Variants in ZNF552 observed in about 807,000 individuals in gnomAD.
ZNF552 encodes zinc finger protein 552.
ZNF552 carries 2 observed loss-of-function variants against 7.2 expected under a neutral mutation model. The observed-to-expected ratio is 0.28, with a 90% confidence interval of 0.11 to 0.88. The LOEUF (loss-of-function observed/expected upper bound fraction) is 0.88. Ranked by LOEUF, ZNF552 falls within the 40% of genes least tolerant of loss-of-function variation. The probability of loss-of-function intolerance (pLI) is 0.60; values close to 1 mark genes in which losing one functional copy is unlikely to be tolerated. For synonymous variants in ZNF552, 173 were observed against 176.5 expected (o/e 0.98, Z 0.16); for missense variants, 421 against 493.4 (o/e 0.85, Z 1.39).
At chr19:57,812,332 C>T (rs1987873625) in intron 2 of ZNF552, among the ~76,000 whole-genome samples, 1 of 152,058 alleles carries the variant, frequency 6.6e-6, no homozygotes, top group African/African-American at 2.4e-5. Flanking sequence ...TTGAATAAAA[C>T]TCTTGACATC....
Position 57,808,688 on chromosome 19 carries a change from A to C in ZNF552, c.576T>G (p.Thr192=). The C allele has an allele frequency of 6.2e-7, 1 of 1,614,212 alleles. No homozygotes were observed. Among genetic ancestry groups the C allele is most frequent in the African/African-American group, 1.3e-5 (1 of 75,052 alleles). Residue 192 remains threonine, a synonymous_variant, in exon 3 of 3, where the codon ACT becomes ACG. Transcript: ENST00000391701. ...ACTCAGTTTTGCTGTTTGACTTCCCAGTGTGAGTGGCCTCTTGCTGGAGTA... is the reference window on the plus strand; with the variant it reads ...ACTCAGTTTTGCTGTTTGACTTCCCCGTGTGAGTGGCCTCTTGCTGGAGTA... ...SGLLQQEATH[T]GKSNSKTECV...
At chr19:57,813,111 A>G (rs1189029908) in intron 2 of ZNF552, 183 bp downstream of exon 2, 1 of 977,696 alleles carries the variant, frequency 1.0e-6, no homozygotes, top group Non-Finnish European at 1.4e-6. Context: ...TGGGAGCTCA[A>G]TAGCAGGTGT....
intron 2 of ZNF552, among the ~76,000 whole-genome samples, chr19:57,811,500 C>A (rs1048614523): frequency 6.6e-6 from 1 of 151,994 alleles, no homozygotes; most frequent in African/African-American, 2.4e-5. Flanking sequence ...GTGTCTCTTT[C>A]TTTTCTCAAG....
At chr19:57,814,557 A>G (rs1426732029) in intron 1 of ZNF552, 154 bp downstream of exon 1, 1 of 1,547,064 alleles carries the variant, frequency 6.5e-7, no homozygotes, top group African/African-American at 1.4e-5. Flanking sequence ...ACCGCATCCC[A>G]CGGGTGTCTG....
At chr19:57,812,526 G>T (rs565253567) in intron 2 of ZNF552, among the ~76,000 whole-genome samples, 24 of 152,238 alleles carry the variant, frequency 1.6e-4, no homozygotes, top group African/African-American at 5.8e-4. Context: ...CACTGGCTTA[G>T]AACAACTCAG....
intron 2 of ZNF552, among the ~76,000 whole-genome samples, chr19:57,810,441 G>A (rs1704515104): frequency 6.6e-6 from 1 of 152,172 alleles, no homozygotes; most frequent in Non-Finnish European, 1.5e-5. Context: ...TTGAGATGCT[G>A]TTAATCTGTA....
chr19:57,810,460 C>T (rs1215352664), intron 2 of ZNF552, among the ~76,000 whole-genome samples: 2 of 152,198 alleles, frequency 1.3e-5, no homozygotes, highest in Non-Finnish European at 2.9e-5. Context: ...TAACCCTACT[C>T]CCAACCCTGT....
chr19:57,809,837 GGC>G (rs1987820197), intron 2 of ZNF552, among the ~76,000 whole-genome samples: 1 of 152,120 alleles, frequency 6.6e-6, no homozygotes, highest in Non-Finnish European at 1.5e-5. Context: ...TTTTTAAAAT[GGC>G]CAAGCATGGT....
In ZNF552 at chr19:57,808,775, A is replaced by G; in HGVS notation, c.489T>C (p.His163=). 14 of 1,614,144 alleles carry G rather than the reference A, an allele frequency of 8.7e-6. No homozygotes were observed. Among genetic ancestry groups the G allele is most frequent in the Non-Finnish European group, 1.2e-5 (14 of 1,180,034 alleles). The change falls in exon 3 of 3, where the codon CAT becomes CAC. Residue 163 remains histidine (H), a synonymous_variant. Transcript: ENST00000391701. ...EALFAKRCKL[H]VSGESSVFSE... ...TGAAGACAGATGACTCCCCTGACAC[A>G]TGCAACTTACACCTCTTCGCAAACA...
chr19:57,814,823 A>G lies in ZNF552; in HGVS notation c.-80T>C. On this transcript the variant is annotated 5_prime_UTR_variant, in exon 1 of 3. Transcript: ENST00000391701. ...AGAGTCACGTCTGTGCAAAGAGAAG[A>G]ACGACTCTCGACCTCCTGGATCCAG... The G allele has an allele frequency of 7.4e-7, 1 of 1,346,880 alleles. No individual in the cohort carries two copies. 83.4% of individuals were successfully genotyped at this position (1,346,880 alleles called of 1,614,324 possible).
rs150185484 is a variant in ZNF552 at position 57,814,734 on chromosome 19, C to T, written c.10G>A (p.Ala4Thr). The change falls in exon 1 of 3, where the codon GCC (alanine) becomes ACC (threonine). Residue 4 changes from alanine (A) to threonine (T), a missense_variant. By Grantham distance (58) the Ala-to-Thr change is moderately conservative. Coordinates refer to ENST00000391701, the MANE Select transcript of ZNF552 (RefSeq NM_024762.3). ...ACCTGAACGGGGAACCTTAGCGCGG[C>T]CGCCGCCATGGGACCACGTGGGGTA... MAAAALRFPVQGTV... is the reference protein window; with the variant it reads MAATALRFPVQGTV... 1.4e-4 allele frequency: 232 copies of T among 1,613,844 alleles called. No homozygotes were observed. The highest frequency in any genetic ancestry group is 1.9e-4 in the Non-Finnish European group (222 of 1,180,006).
At chr19:57,810,334 G>A (rs1044690229) in intron 2 of ZNF552, among the ~76,000 whole-genome samples, 1 of 152,128 alleles carries the variant, frequency 6.6e-6, no homozygotes, top group African/African-American at 2.4e-5. Flanking sequence ...AGCCTTTGGG[G>A]AAAAGAAAGA....
At chr19:57,812,220 CCAAAAA>C (rs1987871957) in intron 2 of ZNF552, among the ~76,000 whole-genome samples, 1 of 151,574 alleles carries the variant, frequency 6.6e-6, no homozygotes, top group South Asian at 2.1e-4. Context: ...ACAAACAAAA[CCAAAAA>C]CAAGAATGAA....
intron 1 of ZNF552, among the ~76,000 whole-genome samples, chr19:57,814,186 T>TAG (rs1482501468): frequency 6.6e-6 from 1 of 152,168 alleles, no homozygotes; most frequent in African/African-American, 2.4e-5. Flanking sequence ...CCAGGTGACC[T>TAG]TGGACTATTG....
At chr19:57,810,116 G>C (rs1568490595) in intron 2 of ZNF552, among the ~76,000 whole-genome samples, 3 of 151,188 alleles carry the variant, frequency 2.0e-5, no homozygotes, top group African/African-American at 7.3e-5. Flanking sequence ...TCTCAAAAAA[G>C]AAAAGAGAAG....
intron 2 of ZNF552, among the ~76,000 whole-genome samples, chr19:57,812,073 C>T (rs2122146965): frequency 6.8e-6 from 1 of 146,752 alleles, no homozygotes; most frequent in East Asian, 2.0e-4. Flanking sequence ...TAATGGCATG[C>T]ACCTGTATTC....
In ZNF552 at chr19:57,814,699, C is replaced by T. The variant is rs763495105; in HGVS notation, c.33+12G>A. ...GGAGGTGACCGGAGAGCACGGAAGG[C>T]GCCACAATTACCTGAACGGGGAACC... On this transcript the variant is annotated intron_variant, in intron 1 of 2. Transcript: ENST00000391701. The T allele has an allele frequency of 1.2e-6, 2 of 1,614,072 alleles. No homozygotes were observed. Among genetic ancestry groups the T allele is most frequent in the Admixed American group, 3.3e-5 (2 of 60,012 alleles).
intron 1 of ZNF552, 64 bp downstream of exon 1, chr19:57,814,647 C>G (rs767712309): frequency 1.5e-5 from 25 of 1,613,432 alleles, no homozygotes; most frequent in Non-Finnish European, 1.9e-5. Context: ...GTGCCGCTCC[C>G]TCGCTGCTTT....
chr19:57,808,583 G>A lies in ZNF552; in HGVS notation c.681C>T (p.Leu227=), dbSNP rs1987789032. 6.2e-7 allele frequency: 1 copy of A among 1,614,184 alleles called. No individual in the cohort carries two copies. Residue 227 remains leucine (L), a synonymous_variant, in exon 3 of 3, where the codon CTC becomes CTT. Coordinates refer to ENST00000391701, the MANE Select transcript of ZNF552 (RefSeq NM_024762.3). ...TAGGGAGCAGTCTCTCGTGCTGACT[G>A]AGTATATCTTTGGTGCTAAAATGTT... ...CMKHFSTKDI[L]SQHERLLPTE... is the part of the protein sequence containing the mutation.
Sources: gnomAD v4.1 joint callset for allele counts (sites outside exome capture counted in the v4.1 genomes callset) on GRCh38, gnomAD v4.1.1 for gene constraint, MANE v1.5 for transcripts, NCBI Gene and HGNC (gene_info 2026-07-23, HGNC 2026-07-21) for gene names.